The following DOCK8 variants were observed in gnomAD, a reference collection of about 807,000 sequenced individuals.
DOCK8 encodes dedicator of cytokinesis 8.
In DOCK8, 141 loss-of-function variants were observed where a neutral mutation model predicts 245.6. That is an observed-to-expected ratio of 0.57 (90% confidence interval 0.50 to 0.66). The LOEUF is 0.66. Among genes scored for constraint, DOCK8 ranks in the 30% least tolerant of loss-of-function variants. The pLI, the probability that DOCK8 is intolerant of heterozygous loss-of-function variation, is 0.00. For synonymous variants in DOCK8, 1,168 were observed against 970.2 expected (o/e 1.20, Z -3.79); for missense variants, 2,965 against 2,603.4 (o/e 1.14, Z -3.02).
chr9:349,145 CA>C (rs1209747498), intron 14 of DOCK8, among the ~76,000 whole-genome samples: 1 of 152,130 alleles, frequency 6.6e-6, no homozygotes, highest in Admixed American at 6.5e-5. Flanking sequence ...CCCCACAGTA[CA>C]AAATAAAACA....
At chr9:277,393 C>G (rs1003559239) in intron 2 of DOCK8, among the ~76,000 whole-genome samples, 1 of 150,580 alleles carries the variant, frequency 6.6e-6, no homozygotes, top group African/African-American at 2.5e-5. Flanking sequence ...CCACAGTACT[C>G]TAGCCTGGGC....
At chr9:379,211 A>G (rs1448313615) in intron 20 of DOCK8, among the ~76,000 whole-genome samples, 1 of 152,220 alleles carries the variant, frequency 6.6e-6, no homozygotes, top group African/African-American at 2.4e-5. Flanking sequence ...GGGCACCAGA[A>G]CAAGAGGTTC....
chr9:336,687 C>G lies in DOCK8; in HGVS notation c.1391C>G (p.Ser464Cys). Reference protein sequence around the residue: ...ENGVGSNFKTSTLSVSSFFKQ... With the variant: ...ENGVGSNFKTCTLSVSSFFKQ... ...GGGGTTGGATCCAACTTCAAAACCT[C>G]CACTCTGAGCGTTAGCAGCTTTTTC... Residue 464 changes from serine to cysteine, a missense_variant, in exon 12 of 48, where the codon TCC becomes TGC. Transcript: ENST00000432829. The G allele has an allele frequency of 6.2e-7, 1 of 1,614,040 alleles. No individual in the cohort carries two copies. The highest frequency in any genetic ancestry group is 1.1e-5 in the South Asian group (1 of 91,076).
chr9:300,421 T>C (rs1354165973), intron 4 of DOCK8, among the ~76,000 whole-genome samples: 2 of 151,910 alleles, frequency 1.3e-5, no homozygotes, highest in Non-Finnish European at 2.9e-5. Flanking sequence ...AACAAAATGG[T>C]GTGTGACCTG....
At chr9:269,661 T>C (rs527248661) in intron 1 of DOCK8, among the ~76,000 whole-genome samples, 2 of 149,504 alleles carry the variant, frequency 1.3e-5, no homozygotes, top group African/African-American at 2.5e-5. Flanking sequence ...GTTCAAGCAA[T>C]TGTCATGCCT....
At chr9:371,394 A>C (rs368577639) in intron 16 of DOCK8, 34 bp from the exon 17 acceptor site, 1 of 1,613,898 alleles carries the variant, frequency 6.2e-7, no homozygotes, top group Non-Finnish European at 8.5e-7. Flanking sequence ...ATTCTTGCTA[A>C]AAGTTATTTG....
intron 26 of DOCK8, 149 bp from the exon 27 acceptor site, chr9:404,769 C>T: frequency 1.2e-6 from 1 of 818,560 alleles, no homozygotes; most frequent in Non-Finnish European, 2.0e-6. Flanking sequence ...CTCTGTAATG[C>T]AGAATTTACC....
chr9:282,977 T>G (rs73639043), intron 2 of DOCK8, among the ~76,000 whole-genome samples: 5,933 of 152,332 alleles, frequency 0.039, 364 homozygotes, highest in African/African-American at 0.13. Flanking sequence ...GCAGCCAATC[T>G]TATGAGAAGC....
intron 2 of DOCK8, among the ~76,000 whole-genome samples, chr9:271,932 C>T (rs1254078765): frequency 2.6e-5 from 4 of 152,146 alleles, no homozygotes; most frequent in African/African-American, 4.8e-5. Context: ...ATAATAGAAC[C>T]TCTGGGAGCT....
chr9:395,588 T>C (rs1286044343), intron 24 of DOCK8, among the ~76,000 whole-genome samples: 3 of 151,906 alleles, frequency 2.0e-5, no homozygotes, highest in African/African-American at 7.3e-5. Flanking sequence ...GTCTGACTAA[T>C]CTAGACGCAT....
intron 20 of DOCK8, among the ~76,000 whole-genome samples, chr9:378,877 A>T (rs1480065687): frequency 6.6e-6 from 1 of 152,252 alleles, no homozygotes; most frequent in African/African-American, 2.4e-5. Context: ...GAAGGATTCC[A>T]GCTTTCACAG....
At chr9:416,668 C>T (rs1328175328) in intron 29 of DOCK8, among the ~76,000 whole-genome samples, 1 of 152,188 alleles carries the variant, frequency 6.6e-6, no homozygotes, top group Non-Finnish European at 1.5e-5. Flanking sequence ...AATTCAGATT[C>T]CAGCCCCATT....
intron 15 of DOCK8, chr9:368,846 A>C (rs1184296179): frequency 8.2e-6 from 1 of 121,710 alleles, no homozygotes; most frequent in African/African-American, 3.1e-5. Context: ...TTTGAGACAG[A>C]GTTTCACTCT....
Position 420,393 on chromosome 9 carries a change from C to T in DOCK8, c.3841-8C>T. On this transcript the variant is annotated splice_polypyrimidine_tract_variant and splice_region_variant and intron_variant, in intron 30 of 47. Transcript: ENST00000432829. Reference sequence around the variant, plus strand: ...CTGGCCTCCATCCCCCAATCTGCCTCCCTTCAGCCCTATAAGCAGTACAAC... The same window carrying T: ...CTGGCCTCCATCCCCCAATCTGCCTTCCTTCAGCCCTATAAGCAGTACAAC... The T allele has an allele frequency of 6.2e-7, 1 of 1,614,112 alleles. No homozygotes were observed. Among genetic ancestry groups the T allele is most frequent in the African/African-American group, 1.3e-5 (1 of 75,054 alleles).
At chr9:241,555 A>G (rs72701216) in intron 1 of DOCK8, among the ~76,000 whole-genome samples, 9,580 of 152,206 alleles carry the variant, frequency 0.063, 989 homozygotes, top group African/African-American at 0.22. Context: ...TGCAAATAAC[A>G]GGATTTCATT....
intron 37 of DOCK8, among the ~76,000 whole-genome samples, chr9:433,049 G>A (rs1022540475): frequency 3.9e-5 from 6 of 152,172 alleles, no homozygotes; most frequent in African/African-American, 1.2e-4. Context: ...CCCTATTTCC[G>A]GAGTCTGTTT....
At chr9:309,334 A>G (rs1478404748) in intron 5 of DOCK8, among the ~76,000 whole-genome samples, 1 of 152,190 alleles carries the variant, frequency 6.6e-6, no homozygotes, top group Non-Finnish European at 1.5e-5. Flanking sequence ...TTTGGGGAAA[A>G]TTTATGATCT....
chr9:442,658 G>A (rs2057129120), intron 42 of DOCK8, among the ~76,000 whole-genome samples: 1 of 151,204 alleles, frequency 6.6e-6, no homozygotes, highest in Admixed American at 6.6e-5. Context: ...GGTTATAAGG[G>A]CCAAACACTA....
chr9:407,988 A>G (rs985898452), intron 28 of DOCK8, among the ~76,000 whole-genome samples: 2 of 152,126 alleles, frequency 1.3e-5, no homozygotes, highest in Admixed American at 1.3e-4. Context: ...ATAACAGAGA[A>G]CGAAATCTAA....
Sources: gnomAD v4.1 joint callset for allele counts (sites outside exome capture counted in the v4.1 genomes callset) on GRCh38, gnomAD v4.1.1 for gene constraint, MANE v1.5 for transcripts, NCBI Gene and HGNC (gene_info 2026-07-23, HGNC 2026-07-21) for gene names.